ZNF507: variants seen among roughly 807,000 people sequenced by gnomAD.
ZNF507 encodes zinc finger protein 507.
In ZNF507, 29 loss-of-function variants were observed where a neutral mutation model predicts 80.0. The ratio of observed to expected loss-of-function variants is 0.36; its 90% CI spans 0.27 to 0.49. The LOEUF is 0.49. ZNF507 is among the 20% of genes least tolerant of loss of function. ZNF507 has a pLI of 0.98. For synonymous variants in ZNF507, 462 were observed against 422.5 expected (o/e 1.09, Z -1.15); for missense variants, 1,081 against 1,152.2 (o/e 0.94, Z 0.90).
chr19:32,363,041 C>G (rs1020294394), intron 5 of ZNF507, among the ~76,000 whole-genome samples: 1 of 152,184 alleles, frequency 6.6e-6, no homozygotes, highest in Non-Finnish European at 1.5e-5. Flanking sequence ...AGGACTTTCT[C>G]CTCGTTGTCC....
chr19:32,387,157 T>C lies in ZNF507; in HGVS notation c.*4074T>C, dbSNP rs1293601103. 5 of 152,234 alleles carry C rather than the reference T, an allele frequency of 3.3e-5. No individual in the cohort carries two copies. Among genetic ancestry groups the C allele is most frequent in the African/African-American group, 4.8e-5 (2 of 41,470 alleles). The allele number at this position is 152,234 out of a possible 1,614,324, so 9.4% of individuals were successfully genotyped here. A position where few individuals can be genotyped will look rare whatever the true frequency, so the allele number is the denominator to read the frequency against. On this transcript the variant is annotated 3_prime_UTR_variant, in exon 7 of 7. Coordinates refer to ENST00000355898, the MANE Select transcript of ZNF507 (RefSeq NM_001136156.2). ...CACGCTTATATGCTTTCAATTCTGA[T>C]ATAGTCAAAGTGCTAAAGACTAGTT... is the stretch of plus-strand genomic sequence containing the variant.
At chr19:32,349,753 A>G (rs1305407029) in intron 2 of ZNF507, among the ~76,000 whole-genome samples, 2 of 152,218 alleles carry the variant, frequency 1.3e-5, no homozygotes, top group African/African-American at 4.8e-5. Flanking sequence ...CCCTCTGTGT[A>G]TACTTTATTA....
chr19:32,378,735 T>C (rs1967586311), intron 5 of ZNF507, among the ~76,000 whole-genome samples: 1 of 151,978 alleles, frequency 6.6e-6, no homozygotes, highest in East Asian at 1.9e-4. Context: ...TTCTATAGGA[T>C]CAATTTGAGA....
intron 4 of ZNF507, chr19:32,359,785 A>G (rs1469336615): frequency 6.6e-6 from 1 of 152,236 alleles, no homozygotes; most frequent in Non-Finnish European, 1.5e-5. Context: ...TATACATTGC[A>G]TAGCACTTAA....
intron 2 of ZNF507, among the ~76,000 whole-genome samples, chr19:32,351,292 G>C (rs1364908556): frequency 6.6e-6 from 1 of 152,232 alleles, no homozygotes; most frequent in South Asian, 2.1e-4. Flanking sequence ...AGAGTAAAGT[G>C]TTTGCATTTT....
At chr19:32,349,369 TC>T (rs1269635974) in intron 2 of ZNF507, among the ~76,000 whole-genome samples, 167 of 152,314 alleles carry the variant, frequency 1.1e-3, no homozygotes, top group Non-Finnish European at 8.7e-4. Context: ...ATGCTGCCCA[TC>T]CTTTGGGAAC....
In ZNF507 at chr19:32,387,637, A is replaced by C. The variant is rs1967706463; in HGVS notation, c.*4554A>C. 2 of 152,228 alleles carry C rather than the reference A, an allele frequency of 1.3e-5. No individual in the cohort carries two copies. The highest frequency in any genetic ancestry group is 1.3e-4 in the Admixed American group (2 of 15,282). The allele number at this position is 152,228 out of a possible 1,614,324, so 9.4% of individuals were successfully genotyped here. On this transcript the variant is annotated 3_prime_UTR_variant, in exon 7 of 7. Transcript: ENST00000355898. ...TTTATATTGATTACATGTTGAAATG[A>C]TATTTTGGTTTAAATAAAATATTAA...
At chr19:32,379,172 T>C (rs7252763) in intron 5 of ZNF507, among the ~76,000 whole-genome samples, 59,325 of 152,100 alleles carry the variant, frequency 0.39, 13,405 homozygotes, top group Non-Finnish European at 0.53. Flanking sequence ...CTGAGTTTAA[T>C]GGCTTGGGGG....
rs1467046677 is a variant in ZNF507, at chr19:32,384,837, T to C, written c.*1754T>C. ...AAGTTAATCCATTTCTGATACGTGG[T>C]TTTTAAAAATATGAAATGGATTTAT... On this transcript the variant is annotated 3_prime_UTR_variant, in exon 7 of 7. Coordinates refer to ENST00000355898, the MANE Select transcript of ZNF507 (RefSeq NM_001136156.2). 1 of 152,186 alleles carries C rather than the reference T, an allele frequency of 6.6e-6. No homozygotes were observed. The highest frequency in any genetic ancestry group is 1.9e-4 in the East Asian group (1 of 5,200). The allele number at this position is 152,186 out of a possible 1,614,324, so 9.4% of individuals were successfully genotyped here.
chr19:32,347,219 C>CTATA (rs2145309579), intron 1 of ZNF507, 26 bp from the exon 2 acceptor site: 1 of 152,428 alleles, frequency 6.6e-6, no homozygotes, highest in East Asian at 1.9e-4. Flanking sequence ...TGTTTTGATA[C>CTATA]TATATACTTT....
In ZNF507 at chr19:32,354,045, T is replaced by G. The variant is rs750579963; in HGVS notation, c.1215T>G (p.Ala405=). Residue 405 remains alanine, a synonymous_variant, in exon 3 of 7, where the codon GCT becomes GCG. Transcript: ENST00000355898. ...TGATAGTGGAGCGATTGCCAAGTGC[T>G]GAAGAAACCCTTTCACAGAAGCGCT... is the stretch of plus-strand genomic sequence containing the variant. ...VNVIVERLPS[A]EETLSQKRFL... The G allele has an allele frequency of 6.2e-7, 1 of 1,614,002 alleles. No individual in the cohort carries two copies. The highest frequency in any genetic ancestry group is 1.7e-5 in the Admixed American group (1 of 59,996).
Position 32,354,765 on chromosome 19 carries a change from G to C in ZNF507, c.1935G>C (p.Leu645=). 1 of 1,614,164 alleles carries C rather than the reference G, an allele frequency of 6.2e-7. No homozygotes were observed. Among genetic ancestry groups the C allele is most frequent in the Non-Finnish European group, 8.5e-7 (1 of 1,180,038 alleles). Residue 645 remains leucine (L), a synonymous_variant, in exon 3 of 7, where the codon CTG becomes CTC. Coordinates refer to ENST00000355898, the MANE Select transcript of ZNF507 (RefSeq NM_001136156.2). The part of the protein sequence containing the change: ...PNAERPYRCR[L]CHYTSGNKGY... ...CTGAACGACCCTACCGTTGCCGCCT[G>C]TGTCACTACACAAGTGGCAACAAGG...
chr19:32,351,313 G>T (rs567871991), intron 2 of ZNF507, among the ~76,000 whole-genome samples: 8 of 152,042 alleles, frequency 5.3e-5, no homozygotes, highest in Admixed American at 3.9e-4. Flanking sequence ...TGCCTGATGT[G>T]GACCTAGATC....
intron 5 of ZNF507, among the ~76,000 whole-genome samples, chr19:32,363,657 C>T (rs573243799): frequency 6.6e-6 from 1 of 152,304 alleles, no homozygotes; most frequent in South Asian, 2.1e-4. Context: ...AAGGTACCAG[C>T]ACATAATAAA....
In ZNF507 at chr19:32,386,648, G is replaced by T. The variant is rs762701923; in HGVS notation, c.*3565G>T. The T allele has an allele frequency of 3.9e-5, 6 of 152,602 alleles. No homozygotes were observed. The highest frequency in any genetic ancestry group is 8.8e-5 in the Non-Finnish European group (6 of 68,050). 9.5% of individuals were successfully genotyped at this position (152,602 alleles called of 1,614,324 possible). A position where few individuals can be genotyped will look rare whatever the true frequency, so the allele number is the denominator to read the frequency against. ...GTAAAATTATCCTGCACATCAAGCT[G>T]CATGCCTTAAAGCGGAAACTCTAGG... On this transcript the variant is annotated 3_prime_UTR_variant, in exon 7 of 7. Coordinates refer to ENST00000355898, the MANE Select transcript of ZNF507 (RefSeq NM_001136156.2).
chr19:32,363,512 A>G (rs1967357897), intron 5 of ZNF507, among the ~76,000 whole-genome samples: 1 of 152,156 alleles, frequency 6.6e-6, no homozygotes, highest in Non-Finnish European at 1.5e-5. Flanking sequence ...CTGGGGGCAG[A>G]TAGTCCTGGG....
At chr19:32,365,132 C>T (rs1165617406) in intron 5 of ZNF507, among the ~76,000 whole-genome samples, 4 of 152,110 alleles carry the variant, frequency 2.6e-5, no homozygotes, top group Non-Finnish European at 5.9e-5. Flanking sequence ...TGGCCATTTG[C>T]GTATCTTCTT....
intron 4 of ZNF507, 118 bp from the exon 5 acceptor site, chr19:32,360,386 C>T (rs1967305561): frequency 2.2e-5 from 11 of 499,696 alleles, no homozygotes; most frequent in Admixed American, 4.1e-5. Flanking sequence ...GTGAGAAAGC[C>T]GTGATTGAAA....
At position 32,383,169 on chromosome 19, in the gene ZNF507, C is replaced by A; in HGVS notation, c.*86C>A. 1 of 1,491,220 alleles carries A rather than the reference C, an allele frequency of 6.7e-7. No homozygotes were observed. Among genetic ancestry groups the A allele is most frequent in the Non-Finnish European group, 9.0e-7 (1 of 1,112,796 alleles). The allele number at this position is 1,491,220 out of a possible 1,614,324, so 92.4% of individuals were successfully genotyped here. A position where few individuals can be genotyped will look rare whatever the true frequency, so the allele number is the denominator to read the frequency against. On this transcript the variant is annotated 3_prime_UTR_variant, in exon 7 of 7. Transcript: ENST00000355898. ...TTTACGCTGTCAGACAACTTCCTGC[C>A]ACAGAAGAAGTCGTTGATGTGATTT...
Sources: allele counts gnomAD v4.1 joint callset (sites outside exome capture counted in the v4.1 genomes callset), GRCh38; gene constraint gnomAD v4.1.1; transcripts MANE v1.5; gene names NCBI Gene and HGNC (gene_info 2026-07-23, HGNC 2026-07-21).